ADAMTS3: variants seen among roughly 807,000 people sequenced by gnomAD.
ADAMTS3 encodes the protein ADAM metallopeptidase with thrombospondin type 1 motif 3, also known as A disintegrin and metalloproteinase with thrombospondin motifs 3.
Under a neutral mutation model 129.0 loss-of-function variants are expected in ADAMTS3, and 73 were observed. The observed-to-expected ratio is 0.57, with a 90% CI of 0.47 to 0.69. The LOEUF is 0.69. Ranked by LOEUF, ADAMTS3 falls within the 30% of genes least tolerant of loss-of-function variation. The pLI is 0.00. For synonymous variants in ADAMTS3, 477 were observed against 510.8 expected, an observed-to-expected ratio of 0.93 and a Z score of 0.89; for missense variants, 1,457 against 1,514.5, an observed-to-expected ratio of 0.96 and a Z score of 0.63.
chr4:72,468,750 T>C lies in ADAMTS3; in HGVS notation c.505-53779A>G, dbSNP rs116601044. Among the ~76,000 whole-genome samples, 1,154 of 140,964 alleles carry C rather than the reference T, an allele frequency of 8.2e-3. 27 individuals carry two copies. Among genetic ancestry groups the C allele is most frequent in the African/African-American group, 0.028 (1,097 of 39,830 alleles). The allele number at this position is 140,964 out of a possible 152,430, so 92.5% of individuals were successfully genotyped here. On this transcript the variant is annotated intron_variant, in intron 3 of 21. Coordinates refer to ENST00000286657, the MANE Select transcript of ADAMTS3 (RefSeq NM_014243.3). ...ATAATGTCAAAACTGGCATGTATTA[T>C]GAAAAAAAAAACGAGAAGAAAACTT...
chr4:72,375,319 G>A (rs1242699704), intron 4 of ADAMTS3, among the ~76,000 whole-genome samples: 2 of 152,190 alleles, frequency 1.3e-5, no homozygotes, highest in Non-Finnish European at 2.9e-5. Context: ...TGGGAGTTCT[G>A]TGTATCCAAT....
rs146810873 is a variant in ADAMTS3 at position 72,285,255 on chromosome 4, T to G, written c.3050-1551A>C. 8.3e-4 allele frequency among the ~76,000 whole-genome samples: 127 copies of G among 152,362 alleles called. 1 individual carries two copies. In the East Asian group the frequency reaches 0.021, roughly 25 times the overall value. On this transcript the variant is annotated intron_variant, in intron 21 of 21. Coordinates refer to ENST00000286657, the MANE Select transcript of ADAMTS3 (RefSeq NM_014243.3). ...AAATGACTCATATATGCTTGACATG[T>G]GCAGGTCTATTATATGGTATAATGT... is the stretch of plus-strand genomic sequence containing the variant.
intron 4 of ADAMTS3, among the ~76,000 whole-genome samples, chr4:72,365,908 C>T (rs192751087): frequency 5.9e-5 from 9 of 152,158 alleles, no homozygotes; most frequent in South Asian, 2.1e-4. Context: ...TTTTATGGTT[C>T]GAAAACATGC....
At position 72,548,484 on chromosome 4, in the gene ADAMTS3, A is replaced by G. The variant is rs1298556685; in HGVS notation, c.498T>C (p.Asp166=). Residue 166 remains aspartate (D), a synonymous_variant, in exon 3 of 22, where the codon GAT becomes GAC. Transcript: ENST00000286657. ...AAAACAGAAGGAGTCTTACCAGACC[A>G]TCACAGTTGCTGATGGCAACAGAGG... The part of the protein sequence containing the change: ...PGTSVAISNC[D]GLAGMIKSDN... The G allele has an allele frequency of 2.5e-6, 4 of 1,613,546 alleles. No individual in the cohort carries two copies. The South Asian group carries it at 3.3e-5, about 13-fold the overall frequency.
intron 3 of ADAMTS3, among the ~76,000 whole-genome samples, chr4:72,466,158 GT>G (rs1422534447): frequency 1.3e-5 from 2 of 152,070 alleles, no homozygotes; most frequent in Non-Finnish European, 2.9e-5. Context: ...TTCTGACACT[GT>G]GATGAACATC....
intron 2 of ADAMTS3, among the ~76,000 whole-genome samples, chr4:72,555,526 C>T (rs532148279): frequency 2.6e-5 from 4 of 151,882 alleles, no homozygotes; most frequent in African/African-American, 7.3e-5. Flanking sequence ...CCATAGCACT[C>T]CCTGTCAAGG....
intron 3 of ADAMTS3, among the ~76,000 whole-genome samples, chr4:72,485,567 A>G (rs989521290): frequency 1.3e-5 from 2 of 152,130 alleles, no homozygotes; most frequent in East Asian, 3.8e-4. Flanking sequence ...TTCAAGAAAT[A>G]TATTTCTACC....
chr4:72,441,350 T>C lies in ADAMTS3; in HGVS notation c.505-26379A>G, dbSNP rs142227051. Among the ~76,000 whole-genome samples the C allele has an allele frequency of 1.3e-3, 202 of 151,918 alleles. 3 individuals carry two copies. The highest frequency in any genetic ancestry group is 4.7e-3 in the African/African-American group (195 of 41,532). On this transcript the variant is annotated intron_variant, in intron 3 of 21. Coordinates refer to ENST00000286657, the MANE Select transcript of ADAMTS3 (RefSeq NM_014243.3). Reference sequence around the variant, plus strand: ...CTTTTGTGAGATGTCAGTTCAATTCTTGTGCACATTTTAAAAAATTGGATT... The same window carrying C: ...CTTTTGTGAGATGTCAGTTCAATTCCTGTGCACATTTTAAAAAATTGGATT...
chr4:72,553,953 T>C (rs1721703320), intron 2 of ADAMTS3, among the ~76,000 whole-genome samples: 1 of 152,194 alleles, frequency 6.6e-6, no homozygotes, highest in Non-Finnish European at 1.5e-5. Context: ...AAGAAGGGTA[T>C]TTTTTATTCA....
At position 72,304,016 on chromosome 4, in the gene ADAMTS3, C is replaced by T. The variant is rs1719021425; in HGVS notation, c.2325G>A (p.Arg775=). 1 of 1,613,620 alleles carries T rather than the reference C, an allele frequency of 6.2e-7. No homozygotes were observed. The highest frequency in any genetic ancestry group is 1.7e-5 in the Admixed American group (1 of 59,970). ...LNGKGEEAKS[R]TFIDLGVEWD... is the part of the protein sequence containing the mutation. ...ACTCCACACCAAGATCTATGAAGGT[C>T]CGCGACTTGGCTTCCTCCCCTTTGC... The change falls in exon 17 of 22, where the codon CGG becomes CGA. Residue 775 remains arginine (R), a synonymous_variant. Transcript: ENST00000286657.
intron 5 of ADAMTS3, among the ~76,000 whole-genome samples, chr4:72,325,041 A>C (rs1719665122): frequency 6.6e-6 from 1 of 152,074 alleles, no homozygotes; most frequent in Non-Finnish European, 1.5e-5. Flanking sequence ...TAACTCATGC[A>C]AACAAATCGC....
intron 4 of ADAMTS3, among the ~76,000 whole-genome samples, chr4:72,383,296 G>A (rs1721345730): frequency 6.6e-6 from 1 of 152,096 alleles, no homozygotes; most frequent in South Asian, 2.1e-4. Flanking sequence ...ACAAATGCAG[G>A]GAGAAGCTAG....
chr4:72,503,979 T>A (rs1181849032), intron 3 of ADAMTS3, among the ~76,000 whole-genome samples: 1 of 152,220 alleles, frequency 6.6e-6, no homozygotes, highest in African/African-American at 2.4e-5. Flanking sequence ...TATTTTGATA[T>A]TATGGATGTC....
At chr4:72,378,303 A>T (rs1385800553) in intron 4 of ADAMTS3, among the ~76,000 whole-genome samples, 1 of 152,160 alleles carries the variant, frequency 6.6e-6, no homozygotes, top group African/African-American at 2.4e-5. Context: ...AAAGAGTCAA[A>T]ATGGTTACTT....
At chr4:72,499,881 G>A (rs573248161) in intron 3 of ADAMTS3, among the ~76,000 whole-genome samples, 3 of 152,006 alleles carry the variant, frequency 2.0e-5, no homozygotes, top group Non-Finnish European at 2.9e-5. Flanking sequence ...GAGGTATTTC[G>A]TTTTCTGTTC....
At chr4:72,296,194 GATCA>G (rs1718803341) in intron 18 of ADAMTS3, among the ~76,000 whole-genome samples, 1 of 151,994 alleles carries the variant, frequency 6.6e-6, no homozygotes, top group East Asian at 1.9e-4. Context: ...AAGCTTAGAG[GATCA>G]GTACTTTTCT....
At chr4:72,381,215 T>C (rs1187335417) in intron 4 of ADAMTS3, among the ~76,000 whole-genome samples, 2 of 152,156 alleles carry the variant, frequency 1.3e-5, no homozygotes, top group Non-Finnish European at 2.9e-5. Context: ...GCAAAACCTA[T>C]GTGCATTTAA....
intron 4 of ADAMTS3, among the ~76,000 whole-genome samples, chr4:72,390,842 C>T (rs1721573610): frequency 4.0e-5 from 6 of 151,172 alleles, no homozygotes; most frequent in Admixed American, 2.6e-4. Context: ...ACTTCCATGC[C>T]TTTCTAACTT....
rs1441281214 is a variant in ADAMTS3, at chr4:72,281,688, C to T, written c.*1448G>A. Reference sequence around the variant, plus strand: ...TGTTCAGTTTTAGCTTTTGAGTTGGCTGTAGTAGTTTGCTTAAAGGTCTCT... The same window carrying T: ...TGTTCAGTTTTAGCTTTTGAGTTGGTTGTAGTAGTTTGCTTAAAGGTCTCT... On this transcript the variant is annotated 3_prime_UTR_variant, in exon 22 of 22. Coordinates refer to ENST00000286657, the MANE Select transcript of ADAMTS3 (RefSeq NM_014243.3). The T allele has an allele frequency of 1.3e-5, 2 of 152,068 alleles. No individual in the cohort carries two copies. Among genetic ancestry groups the T allele is most frequent in the South Asian group, 4.1e-4 (2 of 4,824 alleles). The allele number at this position is 152,068 out of a possible 1,614,324, so 9.4% of individuals were successfully genotyped here. A position where few individuals can be genotyped will look rare whatever the true frequency, so the allele number is the denominator to read the frequency against.
Sources: gnomAD v4.1 joint callset for allele counts (sites outside exome capture counted in the v4.1 genomes callset) on GRCh38, gnomAD v4.1.1 for gene constraint, MANE v1.5 for transcripts, NCBI Gene and HGNC (gene_info 2026-07-23, HGNC 2026-07-21) for gene names.